The following ARK2N variants were observed in gnomAD, a reference collection of about 807,000 sequenced individuals.
The protein encoded by ARK2N is arkadia (RNF111) N-terminal like PKA signaling regulator 2N, also known as protein ARK2N.
chr18:46,239,948 A>C, the ARK2N span: 2 of 1,527,776 alleles, frequency 1.3e-6, no homozygotes, highest in African/African-American at 1.4e-5. Flanking sequence ...TACTAGTTTC[A>C]GAAGTATTTT....
chr18:46,266,809 A>G, the ARK2N span: 1 of 152,598 alleles, frequency 6.6e-6, no homozygotes, highest in African/African-American at 2.4e-5. Flanking sequence ...GGTTCTTTAC[A>G]TTCATTATTT....
At chr18:46,176,356 C>T in the ARK2N span, among the ~76,000 whole-genome samples, 7 of 152,204 alleles carry the variant, frequency 4.6e-5, no homozygotes, top group Non-Finnish European at 7.3e-5. Context: ...TCCTCATTTT[C>T]CTGCACATAA....
the ARK2N span, chr18:46,263,296 G>A: frequency 1.9e-6 from 1 of 535,852 alleles, no homozygotes; most frequent in East Asian, 2.9e-5. Flanking sequence ...AAGTCACTTA[G>A]GAAAATAACA....
chr18:46,201,929 C>T, the ARK2N span, among the ~76,000 whole-genome samples: 1 of 152,038 alleles, frequency 6.6e-6, no homozygotes, highest in Non-Finnish European at 1.5e-5. Flanking sequence ...AGGCGGGCGC[C>T]ATTACGCCTG....
the ARK2N span, among the ~76,000 whole-genome samples, chr18:46,225,897 A>G: frequency 6.6e-6 from 1 of 152,230 alleles, no homozygotes; most frequent in South Asian, 2.1e-4. Context: ...CCATATTTAT[A>G]CAATAGTGGG....
chr18:46,207,627 A>T, the ARK2N span, among the ~76,000 whole-genome samples: 1 of 152,066 alleles, frequency 6.6e-6, no homozygotes, highest in African/African-American at 2.4e-5. Context: ...TGACTTCATG[A>T]TCCACCTGCC....
the ARK2N span, among the ~76,000 whole-genome samples, chr18:46,213,514 G>A: frequency 2.0e-5 from 3 of 151,894 alleles, no homozygotes; most frequent in Non-Finnish European, 2.9e-5. Context: ...TATTTATAAC[G>A]GTCTCCGTTG....
the ARK2N span, among the ~76,000 whole-genome samples, chr18:46,203,076 T>G: frequency 9.9e-5 from 15 of 152,142 alleles, no homozygotes; most frequent in Non-Finnish European, 1.9e-4. Flanking sequence ...TGGGAAAACT[T>G]TCTAGTAAAG....
At chr18:46,228,998 G>A in the ARK2N span, 1 of 386,504 alleles carries the variant, frequency 2.6e-6, no homozygotes, top group African/African-American at 2.1e-5. Context: ...AGAAGTTTTG[G>A]CAGAAAGATA....
At chr18:46,206,153 A>G in the ARK2N span, among the ~76,000 whole-genome samples, 3 of 150,720 alleles carry the variant, frequency 2.0e-5, no homozygotes, top group Admixed American at 6.6e-5. Flanking sequence ...TGCCATGATC[A>G]TGGCTCACTG....
At chr18:46,221,059 C>T in the ARK2N span, among the ~76,000 whole-genome samples, 1 of 152,022 alleles carries the variant, frequency 6.6e-6, no homozygotes, top group Non-Finnish European at 1.5e-5. Context: ...TTGCTTGAGC[C>T]CAGGAGGCAG....
the ARK2N span, among the ~76,000 whole-genome samples, chr18:46,202,000 A>G: frequency 1.3e-5 from 2 of 151,554 alleles, no homozygotes; most frequent in Non-Finnish European, 2.9e-5. Context: ...ATGGTCTCGA[A>G]CTCCTGACCT....
the ARK2N span, among the ~76,000 whole-genome samples, chr18:46,202,802 TAA>T: frequency 1.4e-5 from 2 of 145,418 alleles, no homozygotes; most frequent in South Asian, 4.3e-4. Context: ...AAATAAAAAT[TAA>T]AAAAAAAAAA....
the ARK2N span, among the ~76,000 whole-genome samples, chr18:46,193,414 C>A: frequency 6.0e-5 from 9 of 150,918 alleles, no homozygotes; most frequent in African/African-American, 1.7e-4. Context: ...CTCAGCCTCC[C>A]GAGTAGCTGG....
the ARK2N span, among the ~76,000 whole-genome samples, chr18:46,178,556 CA>C: frequency 6.6e-6 from 1 of 152,170 alleles, no homozygotes; most frequent in Non-Finnish European, 1.5e-5. Context: ...GGTGATGCAC[CA>C]CCTCGGCCTC....
At chr18:46,190,003 G>T in the ARK2N span, among the ~76,000 whole-genome samples, 1 of 152,152 alleles carries the variant, frequency 6.6e-6, no homozygotes, top group South Asian at 2.1e-4. Flanking sequence ...ATCCTGAGAG[G>T]CAGGTTGGAA....
At chr18:46,253,707 T>A in the ARK2N span, 2 of 1,611,254 alleles carry the variant, frequency 1.2e-6, no homozygotes, top group Non-Finnish European at 1.7e-6. Context: ...GTCATTTGGA[T>A]CCAGGATTCC....
At chr18:46,203,944 TTTGTTTTTTAGTGGGCTCATA>T in the ARK2N span, among the ~76,000 whole-genome samples, 1 of 152,178 alleles carries the variant, frequency 6.6e-6, no homozygotes, top group Non-Finnish European at 1.5e-5. Context: ...CAGCCCCTAG[TTTGTTTTTTAGTGGGCTCATA>T]TTCCTTTTGA....
At chr18:46,217,221 T>C in the ARK2N span, 5 of 153,190 alleles carry the variant, frequency 3.3e-5, no homozygotes, top group Non-Finnish European at 5.8e-5. Flanking sequence ...AGAAATCCGC[T>C]TGTTCTAGCT....
Sources: allele counts gnomAD v4.1 joint callset (sites outside exome capture counted in the v4.1 genomes callset), GRCh38; gene constraint gnomAD v4.1.1; transcripts MANE v1.5; gene names NCBI Gene and HGNC (gene_info 2026-07-23, HGNC 2026-07-21).